CLOCK: variants seen among roughly 807,000 people sequenced by gnomAD.
The protein encoded by CLOCK is clock circadian regulator.
A neutral mutation model predicts 118.4 loss-of-function variants in CLOCK; 43 were observed. The observed-to-expected ratio is 0.36, with a 90% CI of 0.28 to 0.47. The LOEUF is 0.47. CLOCK is among the 20% of genes least tolerant of loss of function. The pLI, the probability that CLOCK is intolerant of heterozygous loss-of-function variation, is 1.00. For missense variants in CLOCK, 846 were observed against 999.9 expected (o/e 0.85, Z 2.08); for synonymous variants, 326 against 339.2 (o/e 0.96, Z 0.43).
At chr4:55,477,640 G>GAAGTTATCT (rs1339282601) in intron 6 of CLOCK, among the ~76,000 whole-genome samples, 2 of 152,060 alleles carry the variant, frequency 1.3e-5, no homozygotes, top group Admixed American at 1.3e-4. Context: ...GAAAGATCTA[G>GAAGTTATCT]AAGTTATCTG....
intron 20 of CLOCK, among the ~76,000 whole-genome samples, chr4:55,442,869 A>G (rs2109685279): frequency 6.6e-6 from 1 of 152,266 alleles, no homozygotes; most frequent in Admixed American, 6.5e-5. Context: ...TGTGATTGTA[A>G]TAGAGATGAT....
At chr4:55,506,447 C>T (rs1187565848) in intron 2 of CLOCK, among the ~76,000 whole-genome samples, 1 of 151,742 alleles carries the variant, frequency 6.6e-6, no homozygotes, top group Non-Finnish European at 1.5e-5. Flanking sequence ...AGGGAAGTTC[C>T]ATTAAAAAAA....
chr4:55,515,780 T>A lies in CLOCK; in HGVS notation c.-289-5715A>T, dbSNP rs146525441. Reference sequence around the variant, plus strand: ...CTAAGGCAGAAACTTTGGTTTTAGATCTTTACTCTTTTCTATGTATTCCAC... The same window carrying A: ...CTAAGGCAGAAACTTTGGTTTTAGAACTTTACTCTTTTCTATGTATTCCAC... On this transcript the variant is annotated intron_variant, in intron 1 of 22. Transcript: ENST00000513440. 6.4e-3 allele frequency among the ~76,000 whole-genome samples: 978 copies of A among 152,300 alleles called. 17 individuals carry two copies. The highest frequency in any genetic ancestry group is 0.022 in the African/African-American group (909 of 41,568).
chr4:55,485,888 C>CAAATTA (rs1727266400), intron 3 of CLOCK, among the ~76,000 whole-genome samples: 1 of 151,994 alleles, frequency 6.6e-6, no homozygotes, highest in Admixed American at 6.6e-5. Context: ...GGTACCCACA[C>CAAATTA]AAATTAAAAT....
intron 2 of CLOCK, among the ~76,000 whole-genome samples, chr4:55,503,208 G>C (rs1177431431): frequency 1.3e-5 from 2 of 152,188 alleles, no homozygotes. Context: ...AATGTTCACA[G>C]AAGTATTCTT....
rs1723206011 is a variant in CLOCK at position 55,439,843 on chromosome 4, GA to G, written c.2106-1307del. Among the ~76,000 whole-genome samples the G allele has an allele frequency of 2.6e-5, 4 of 152,248 alleles. 1 individual carries two copies. The South Asian group carries it at 8.3e-4, about 32-fold the overall frequency. ...GACAGAAAGTAGAATGGTGGTTGGGGAGAGAAGAATGGGGACTTGTATAATG... is the reference window on the plus strand; with the variant it reads ...GACAGAAAGTAGAATGGTGGTTGGGGGAGAAGAATGGGGACTTGTATAATG... On this transcript the variant is annotated intron_variant, in intron 21 of 22. Coordinates refer to ENST00000513440, the MANE Select transcript of CLOCK (RefSeq NM_004898.4).
intron 2 of CLOCK, among the ~76,000 whole-genome samples, chr4:55,501,171 G>T (rs1208017600): frequency 6.6e-6 from 1 of 152,064 alleles, no homozygotes; most frequent in African/African-American, 2.4e-5. Context: ...TTACTTAATA[G>T]CTACAATTCT....
chr4:55,440,912 T>C (rs1280427990), intron 21 of CLOCK, among the ~76,000 whole-genome samples: 3 of 152,222 alleles, frequency 2.0e-5, no homozygotes, highest in East Asian at 1.9e-4. Context: ...TTGGTGAAGC[T>C]TTCCTGACCA....
chr4:55,491,654 A>G (rs1254717667), intron 2 of CLOCK, among the ~76,000 whole-genome samples: 1 of 152,222 alleles, frequency 6.6e-6, no homozygotes, highest in Non-Finnish European at 1.5e-5. Context: ...CAGAGTTCAC[A>G]GCAGATTTAT....
intron 1 of CLOCK, among the ~76,000 whole-genome samples, chr4:55,541,488 T>G (rs1452183559): frequency 2.0e-5 from 3 of 152,214 alleles, no homozygotes; most frequent in Non-Finnish European, 4.4e-5. Flanking sequence ...AGTGCAGAAC[T>G]TTGACTTTTC....
At chr4:55,512,991 C>T (rs1729260741) in intron 1 of CLOCK, among the ~76,000 whole-genome samples, 1 of 152,070 alleles carries the variant, frequency 6.6e-6, no homozygotes, top group African/African-American at 2.4e-5. Flanking sequence ...TGTAGCCATT[C>T]ATAACATTGT....
intron 7 of CLOCK, among the ~76,000 whole-genome samples, chr4:55,471,670 G>A (rs868462523): frequency 1.1e-4 from 17 of 152,170 alleles, no homozygotes; most frequent in African/African-American, 3.9e-4. Flanking sequence ...ATTTTCATTT[G>A]AGAATCCTAG....
At chr4:55,498,331 T>C (rs1163649804) in intron 2 of CLOCK, among the ~76,000 whole-genome samples, 1 of 152,174 alleles carries the variant, frequency 6.6e-6, no homozygotes, top group East Asian at 1.9e-4. Context: ...TGTAGCCAAG[T>C]AGGCCCGGCA....
intron 1 of CLOCK, among the ~76,000 whole-genome samples, chr4:55,515,361 T>C (rs1001182790): frequency 6.6e-6 from 1 of 152,072 alleles, no homozygotes; most frequent in Non-Finnish European, 1.5e-5. Context: ...TGATTTCTTA[T>C]TTTCCATTTC....
chr4:55,489,952 AAC>A (rs757108412), intron 2 of CLOCK, among the ~76,000 whole-genome samples: 3 of 152,130 alleles, frequency 2.0e-5, no homozygotes, highest in Non-Finnish European at 4.4e-5. Flanking sequence ...GAAAGAAAGA[AAC>A]ACAGAGAAAA....
At chr4:55,444,832 T>C in intron 18 of CLOCK, 47 bp from the exon 19 acceptor site, 1 of 1,571,428 alleles carries the variant, frequency 6.4e-7, no homozygotes, top group Non-Finnish European at 8.7e-7. Context: ...TAGAATTACT[T>C]ACTCCTTATA....
chr4:55,461,173 C>A (rs1381101242), intron 9 of CLOCK, among the ~76,000 whole-genome samples: 1 of 152,160 alleles, frequency 6.6e-6, no homozygotes. Context: ...AGCGATCTGC[C>A]TGCCTTGGCC....
intron 7 of CLOCK, among the ~76,000 whole-genome samples, chr4:55,474,229 A>G (rs1450268897): frequency 6.6e-6 from 1 of 152,226 alleles, no homozygotes; most frequent in African/African-American, 2.4e-5. Context: ...AGTGGTCTGT[A>G]CAGAAGATCA....
Position 55,431,613 on chromosome 4 carries a change from T to G in CLOCK, c.*3802A>C, listed in dbSNP as rs1229515455. On this transcript the variant is annotated 3_prime_UTR_variant, in exon 23 of 23. Coordinates refer to ENST00000513440, the MANE Select transcript of CLOCK (RefSeq NM_004898.4). Reference sequence around the variant, plus strand: ...TTTACCCCCTTCCAACAGGGACTCCTGTGGGACTAAGGGCCACAGGTAATT... The same window carrying G: ...TTTACCCCCTTCCAACAGGGACTCCGGTGGGACTAAGGGCCACAGGTAATT... The G allele has an allele frequency of 6.6e-6, 1 of 152,232 alleles. No homozygotes were observed. The allele number at this position is 152,232 out of a possible 1,614,324, so 9.4% of individuals were successfully genotyped here. A position where few individuals can be genotyped will look rare whatever the true frequency, so the allele number is the denominator to read the frequency against.
Sources: allele counts gnomAD v4.1 joint callset (sites outside exome capture counted in the v4.1 genomes callset), GRCh38; gene constraint gnomAD v4.1.1; transcripts MANE v1.5; gene names NCBI Gene and HGNC (gene_info 2026-07-23, HGNC 2026-07-21).